RALGDS: variants seen among roughly 807,000 people sequenced by gnomAD.
The protein encoded by RALGDS is ral guanine nucleotide dissociation stimulator, also known as ral guanine nucleotide exchange factor.
RALGDS carries 44 observed loss-of-function variants against 99.8 expected under a neutral mutation model. The ratio of observed to expected loss-of-function variants is 0.44; its 90% CI spans 0.35 to 0.57. The LOEUF is 0.57. Among genes scored for constraint, RALGDS ranks in the 20% least tolerant of loss-of-function variants. RALGDS has a pLI of 0.01. For missense variants in RALGDS, 1,022 were observed against 1,203.1 expected (o/e 0.85, Z 2.23); for synonymous variants, 529 against 505.0 (o/e 1.05, Z -0.64).
At chr9:133,116,303 C>T (rs2119193845) in intron 1 of RALGDS, among the ~76,000 whole-genome samples, 1 of 152,386 alleles carries the variant, frequency 6.6e-6, no homozygotes, top group South Asian at 2.1e-4. Flanking sequence ...ACAGAGGCGG[C>T]CTCAGACCGG....
chr9:133,135,204 G>A (rs1367795948), upstream of RALGDS, among the ~76,000 whole-genome samples: 1 of 152,214 alleles, frequency 6.6e-6, no homozygotes, highest in African/African-American at 2.4e-5. Context: ...ACTCCCAGGA[G>A]CAGCAGAGCC....
chr9:133,119,407 G>C, intron 1 of RALGDS, among the ~76,000 whole-genome samples: 1 of 152,034 alleles, frequency 6.6e-6, no homozygotes, highest in Non-Finnish European at 1.5e-5. Context: ...CCAGCCAGAA[G>C]CTTCCCCTTT....
intron 1 of RALGDS, among the ~76,000 whole-genome samples, chr9:133,116,275 T>C (rs1174519418): frequency 6.6e-6 from 1 of 152,200 alleles, no homozygotes; most frequent in Admixed American, 6.5e-5. Context: ...ACACTCCTGA[T>C]CCTGGGCATG....
intron 2 of RALGDS, among the ~76,000 whole-genome samples, chr9:133,111,074 A>T (rs1831314562): frequency 6.6e-6 from 1 of 152,136 alleles, no homozygotes. Context: ...TCTCTAAAAG[A>T]GTGAAAAAAT....
intron 1 of RALGDS, among the ~76,000 whole-genome samples, chr9:133,120,528 C>A (rs1285893668): frequency 6.6e-6 from 1 of 151,098 alleles, no homozygotes; most frequent in East Asian, 2.0e-4. Context: ...ATGGTCTCAT[C>A]ACCTCTGAGG....
intron 15 of RALGDS, 33 bp downstream of exon 15, chr9:133,101,905 G>A: frequency 6.4e-7 from 1 of 1,550,954 alleles, no homozygotes; most frequent in Non-Finnish European, 8.7e-7. Flanking sequence ...GGGGAGATGG[G>A]AAAGGATATT....
At chr9:133,121,277 G>T (rs554400251), upstream of RALGDS, 3 of 981,828 alleles carry the variant, frequency 3.1e-6, no homozygotes, top group African/African-American at 1.8e-5. Context: ...TGTCAGGCTG[G>T]GGGGCGGGGC....
intron 1 of RALGDS, among the ~76,000 whole-genome samples, chr9:133,148,249 C>A (rs1360722663): frequency 6.6e-6 from 1 of 152,218 alleles, no homozygotes; most frequent in African/African-American, 2.4e-5. Context: ...TTCCTACAGC[C>A]CCGTCCACAC....
At chr9:133,113,701 A>G (rs1831459905) in intron 1 of RALGDS, among the ~76,000 whole-genome samples, 1 of 152,136 alleles carries the variant, frequency 6.6e-6, no homozygotes, top group African/African-American at 2.4e-5. Context: ...TAGAGGTTAC[A>G]GCGACCAGGG....
intron 1 of RALGDS, among the ~76,000 whole-genome samples, chr9:133,136,359 C>T (rs904336584): frequency 2.0e-5 from 3 of 152,330 alleles, no homozygotes; most frequent in East Asian, 3.9e-4. Flanking sequence ...TCACCTTGGC[C>T]GGGCGCGGTG....
chr9:133,119,172 G>A (rs899245189), intron 1 of RALGDS, among the ~76,000 whole-genome samples: 2 of 152,222 alleles, frequency 1.3e-5, no homozygotes, highest in African/African-American at 4.8e-5. Flanking sequence ...GGGATGCGGG[G>A]GAAGGCAGAA....
Position 133,103,802 on chromosome 9 carries a change from C to T in RALGDS, c.1703G>A (p.Gly568Asp). Residue 568 changes from glycine to aspartate, a missense_variant, in exon 11 of 18, where the codon GGC (glycine) becomes GAC (aspartate). Physicochemically the swap from Gly to Asp is moderately conservative, Grantham distance 94. Around this residue, in one of 3 missense-constraint regions of RALGDS, gnomAD observed 825 missense variants for 994.5 expected, o/e 0.83. Transcript: ENST00000372050. ...GIIQGTVPYLGTFLTDLVMLD... is the reference protein window; with the variant it reads ...GIIQGTVPYLDTFLTDLVMLD... ...CATCACCAGGTCGGTGAGGAACGTG[C>T]CCAGGTAGGGAACGGTGCCCTGGAT... 1 of 1,613,324 alleles carries T rather than the reference C, an allele frequency of 6.2e-7. No homozygotes were observed. Among genetic ancestry groups the T allele is most frequent in the Non-Finnish European group, 8.5e-7 (1 of 1,179,928 alleles).
chr9:133,112,094 A>G lies in RALGDS; in HGVS notation c.242T>C (p.Leu81Pro). ...LINGVIYSIS[L>P]RKVQLHHGGN... is the part of the protein sequence containing the mutation. ...TCCGTGGTGCAGCTGCACCTTGCGCAGGGAGATGGAGTAGATGACTCCGTT... is the reference window on the plus strand; with the variant it reads ...TCCGTGGTGCAGCTGCACCTTGCGCGGGGAGATGGAGTAGATGACTCCGTT... The change falls in exon 2 of 18, where the codon CTG (leucine) becomes CCG (proline). Residue 81 changes from leucine to proline, a missense_variant. This residue lies in a region of RALGDS where 180 missense variants were observed against 169.3 expected (regional missense o/e 1.06). Transcript: ENST00000372050. 4 of 1,586,096 alleles carry G rather than the reference A, an allele frequency of 2.5e-6. No homozygotes were observed. Among genetic ancestry groups the G allele is most frequent in the Non-Finnish European group, 3.4e-6 (4 of 1,165,296 alleles).
intron 11 of RALGDS, among the ~76,000 whole-genome samples, 197 bp from the exon 12 acceptor site, chr9:133,103,459 G>A (rs1334624421): frequency 6.6e-6 from 1 of 152,172 alleles, no homozygotes; most frequent in Non-Finnish European, 1.5e-5. Context: ...ACTCTCGGAG[G>A]ACAATGGACT....
upstream of RALGDS, among the ~76,000 whole-genome samples, chr9:133,135,555 G>A (rs1376872991): frequency 6.6e-6 from 1 of 152,220 alleles, no homozygotes; most frequent in Non-Finnish European, 1.5e-5. Flanking sequence ...CCTGCCCCCA[G>A]GTCCAGCTCC....
chr9:133,103,087 C>T, intron 12 of RALGDS, 143 bp downstream of exon 12: 4 of 1,357,590 alleles, frequency 2.9e-6, no homozygotes, highest in Non-Finnish European at 2.1e-6. Flanking sequence ...CCCTCACCCT[C>T]CAGTGGGAGG....
rs1275450325 is a variant in RALGDS, at chr9:133,104,255, ACT to A, written c.1671+6_1671+7del. ...CCCCTGCCCCTCCGCGGCCTTGGGC[ACT>A]CTCACCGTCTCCTTCGGCCGTTTCT... On this transcript the variant is annotated splice_donor_region_variant and intron_variant, in intron 10 of 17. Transcript: ENST00000372050. 1.2e-6 allele frequency: 2 copies of A among 1,611,706 alleles called. No individual in the cohort carries two copies. Among genetic ancestry groups the A allele is most frequent in the East Asian group, 2.2e-5 (1 of 44,852 alleles).
At chr9:133,124,574 CAT>C (rs1832088823), upstream of RALGDS, among the ~76,000 whole-genome samples, 1 of 152,178 alleles carries the variant, frequency 6.6e-6, no homozygotes, top group Non-Finnish European at 1.5e-5. Flanking sequence ...GATATAGAGA[CAT>C]AGACACAGAT....
chr9:133,105,949 G>A lies in RALGDS; in HGVS notation c.1585C>T (p.Arg529Trp), dbSNP rs775995990. Residue 529 changes from arginine (R) to tryptophan (W), a missense_variant, in exon 9 of 18, where the codon CGG (arginine) becomes TGG (tryptophan). Transcript: ENST00000372050. ...CACTCCACCTTGATGAGCAGCTCCCGGCTCAATGAGTAGTTGTTCTCATCT... is the reference window on the plus strand; with the variant it reads ...CACTCCACCTTGATGAGCAGCTCCCAGCTCAATGAGTAGTTGTTCTCATCT... ...FSDENNYSLS[R>W]ELLIKEGTSK... The A allele has an allele frequency of 3.1e-6, 5 of 1,593,476 alleles. No homozygotes were observed. The highest frequency in any genetic ancestry group is 1.7e-5 in the Admixed American group (1 of 58,820).
Sources: gnomAD v4.1 joint callset for allele counts (sites outside exome capture counted in the v4.1 genomes callset) on GRCh38, gnomAD v4.1.1 for gene constraint, gnomAD v4.1.1 regional missense constraint, MANE v1.5 for transcripts, NCBI Gene and HGNC (gene_info 2026-07-23, HGNC 2026-07-21) for gene names.